Variants in SYNJ2 observed in about 807,000 individuals in gnomAD.
SYNJ2 encodes the protein synaptojanin 2.
In SYNJ2, 116 loss-of-function variants were observed where a neutral mutation model predicts 141.3. The ratio of observed to expected loss-of-function variants is 0.82; its 90% confidence interval spans 0.71 to 0.96. SYNJ2 has a LOEUF of 0.96. Among genes scored for constraint, SYNJ2 ranks in the 40% least tolerant of loss-of-function variants. SYNJ2 has a pLI of 0.00. For synonymous variants in SYNJ2, 745 were observed against 777.7 expected, an observed-to-expected ratio of 0.96 and a Z score of 0.70; for missense variants, 1,873 against 1,934.8, an observed-to-expected ratio of 0.97 and a Z score of 0.60.
chr6:157,982,220 C>T lies in SYNJ2; in HGVS notation c.127+132C>T. ...GGACTGCCGGGGCGTAGGGGTCGCG[C>T]GCAGAGGGGTGGCTGTTTGAATGAA... On this transcript the variant is annotated intron_variant, in intron 1 of 26. Transcript: ENST00000355585. This position sits in a 1 kb window ranked among gnomAD's most constrained non-coding sequence, Gnocchi z 4.0. The T allele has an allele frequency of 8.6e-7, 1 of 1,158,254 alleles. No homozygotes were observed. The highest frequency in any genetic ancestry group is 1.1e-6 in the Non-Finnish European group (1 of 917,308). The allele number at this position is 1,158,254 out of a possible 1,614,324, so 71.7% of individuals were successfully genotyped here.
intron 1 of SYNJ2, among the ~76,000 whole-genome samples, chr6:158,014,259 T>C (rs1778369575): frequency 6.6e-6 from 1 of 152,242 alleles, no homozygotes. Flanking sequence ...GTTAGGTGTA[T>C]TGAATGCATT....
intron 3 of SYNJ2, among the ~76,000 whole-genome samples, chr6:158,030,099 TCTC>T (rs1336746570): frequency 6.6e-6 from 1 of 152,116 alleles, no homozygotes; most frequent in Non-Finnish European, 1.5e-5. Context: ...ATGTTTAAGA[TCTC>T]CTGGTGCTTT....
At position 158,070,375 on chromosome 6, in the gene SYNJ2, C is replaced by T; in HGVS notation, c.1940+702C>T. Reference sequence around the variant, plus strand: ...CTGCCAAGAGCACCACGGGTACACCCCTGCAGCACCTGGAGACTAAGACTA... The same window carrying T: ...CTGCCAAGAGCACCACGGGTACACCTCTGCAGCACCTGGAGACTAAGACTA... On this transcript the variant is annotated intron_variant, in intron 14 of 26. Transcript: ENST00000355585. This position sits in a 1 kb window ranked among gnomAD's most constrained non-coding sequence, Gnocchi z 4.0. 1.0e-6 allele frequency: 1 copy of T among 985,496 alleles called. No homozygotes were observed. Among genetic ancestry groups the T allele is most frequent in the Non-Finnish European group, 1.2e-6 (1 of 830,006 alleles). The allele number at this position is 985,496 out of a possible 1,614,324, so 61.0% of individuals were successfully genotyped here. A position where few individuals can be genotyped will look rare whatever the true frequency, so the allele number is the denominator to read the frequency against.
rs1191854215 is a variant in SYNJ2 at position 158,071,633 on chromosome 6, A to G, written c.1972A>G (p.Met658Val). 3 of 1,613,916 alleles carry G rather than the reference A, an allele frequency of 1.9e-6. No individual in the cohort carries two copies. The highest frequency in any genetic ancestry group is 1.7e-5 in the Admixed American group (1 of 59,998). ...AGCCATCGACACAGTGAAGACGGGC[A>G]TGGGGGGCAAGGCGGGGAACAAGGG... ...DVAIDTVKTG[M>V]GGKAGNKGAV... The change falls in exon 15 of 27, where the codon ATG becomes GTG. Residue 658 changes from methionine (M) to valine (V), a missense_variant. By Grantham distance (21) the Met-to-Val change is conservative. Coordinates refer to ENST00000355585, the MANE Select transcript of SYNJ2 (RefSeq NM_003898.4). This position sits in a 1 kb window ranked among gnomAD's most constrained non-coding sequence, Gnocchi z 4.3.
intron 26 of SYNJ2, among the ~76,000 whole-genome samples, chr6:158,094,824 G>A (rs1235804397): frequency 1.3e-5 from 2 of 152,190 alleles, no homozygotes; most frequent in Non-Finnish European, 2.9e-5. Context: ...CAGTGTCAAG[G>A]TTTCCATTCT....
Position 158,075,962 on chromosome 6 carries a change from G to T in SYNJ2, c.2293-664G>T, listed in dbSNP as rs577898638. 8.1e-5 allele frequency among the ~76,000 whole-genome samples: 9 copies of T among 110,664 alleles called. No individual in the cohort carries two copies. The South Asian group carries it at 2.5e-3, about 31-fold the overall frequency. The allele number at this position is 110,664 out of a possible 152,430, so 72.6% of individuals were successfully genotyped here. ...GCATGGGGGCTCACGACTGTAAGGC[G>T]GGAGGATTGCCTAAGCCCAGGAGTT... On this transcript the variant is annotated intron_variant, in intron 16 of 26. Transcript: ENST00000355585.
rs1782683036 is a variant in SYNJ2, at chr6:158,081,555, C to T, written c.2865+45C>T. 4 of 1,504,930 alleles carry T rather than the reference C, an allele frequency of 2.7e-6. No homozygotes were observed. In the East Asian group the frequency reaches 7.1e-5, roughly 27 times the overall value. 93.2% of individuals were successfully genotyped at this position (1,504,930 alleles called of 1,614,324 possible). ...ACTGTGGAGTGGGGTCTGATCAATC[C>T]CTCTTTTTATGTGGGCATGTCTTCT... is the stretch of plus-strand genomic sequence containing the variant. On this transcript the variant is annotated intron_variant, in intron 20 of 26. Transcript: ENST00000355585.
At chr6:158,019,639 G>A (rs1307603935) in intron 2 of SYNJ2, among the ~76,000 whole-genome samples, 1 of 152,222 alleles carries the variant, frequency 6.6e-6, no homozygotes, top group Non-Finnish European at 1.5e-5. Context: ...CCCCACAGAA[G>A]GGAATGAGGC....
Position 158,022,054 on chromosome 6 carries a change from G to A in SYNJ2, c.214+4764G>A, listed in dbSNP as rs1051192100. Among the ~76,000 whole-genome samples, 4 of 152,210 alleles carry A rather than the reference G, an allele frequency of 2.6e-5. No homozygotes were observed. The South Asian group carries it at 6.2e-4, about 24-fold the overall frequency. ...CCCTCATGTTCTGCAGAAGGGAGGC[G>A]GGAGAAGGCCCTGAGACCATGCCGC... On this transcript the variant is annotated intron_variant, in intron 2 of 26. Coordinates refer to ENST00000355585, the MANE Select transcript of SYNJ2 (RefSeq NM_003898.4).
At position 158,086,832 on chromosome 6, in the gene SYNJ2, TCATGCCCCGC is replaced by T; in HGVS notation, c.3209-18_3209-9del. The T allele has an allele frequency of 6.2e-7, 1 of 1,610,154 alleles. No homozygotes were observed. Among genetic ancestry groups the T allele is most frequent in the Non-Finnish European group, 8.5e-7 (1 of 1,179,806 alleles). ...TCACGTGTGGAACAGACCATTGTAC[TCATGCCCCGC>T]CATGTCCTCCAGATGACGCGGACCT... On this transcript the variant is annotated splice_polypyrimidine_tract_variant and intron_variant, in intron 22 of 26. Coordinates refer to ENST00000355585, the MANE Select transcript of SYNJ2 (RefSeq NM_003898.4).
At chr6:158,024,886 A>C (rs1043607757) in intron 2 of SYNJ2, among the ~76,000 whole-genome samples, 1 of 150,124 alleles carries the variant, frequency 6.7e-6, no homozygotes, top group African/African-American at 2.5e-5. Context: ...TACTGACAAG[A>C]GGCTCCCAGA....
chr6:158,024,414 G>A (rs569432058), intron 2 of SYNJ2, among the ~76,000 whole-genome samples: 1 of 152,276 alleles, frequency 6.6e-6, no homozygotes. Flanking sequence ...TAGCCTGGGC[G>A]ACAGAGCAAG....
In SYNJ2 at chr6:158,043,384, A is replaced by G. The variant is rs61739884; in HGVS notation, c.780A>G (p.Glu260=). ...GAGGCTCCGTTCCGCTGTTCTGGGAACAGCCAGGGCTTCAGGTAGGTCATG... is the reference window on the plus strand; with the variant it reads ...GAGGCTCCGTTCCGCTGTTCTGGGAGCAGCCAGGGCTTCAGGTAGGTCATG... ...QIRGSVPLFW[E]QPGLQVGSHH... Residue 260 remains glutamate (E), a synonymous_variant, in exon 5 of 27, where the codon GAA becomes GAG. Coordinates refer to ENST00000355585, the MANE Select transcript of SYNJ2 (RefSeq NM_003898.4). This position sits in a 1 kb window ranked among gnomAD's most constrained non-coding sequence, Gnocchi z 4.0. 5,017 of 1,613,962 alleles carry G rather than the reference A, an allele frequency of 3.1e-3. 91 individuals are homozygous for G. The African/African-American group carries it at 0.045, about 14-fold the overall frequency.
intron 1 of SYNJ2, among the ~76,000 whole-genome samples, chr6:157,986,867 A>C (rs1296451205): frequency 2.0e-5 from 3 of 151,490 alleles, no homozygotes; most frequent in African/African-American, 7.3e-5. Context: ...TGAAAACGTG[A>C]ATCTCCTAAA....
chr6:158,049,606 C>T (rs1197877288), intron 5 of SYNJ2, among the ~76,000 whole-genome samples: 1 of 152,182 alleles, frequency 6.6e-6, no homozygotes, highest in African/African-American at 2.4e-5. Flanking sequence ...AATAATACAA[C>T]TTGTTTAGGG....
At position 158,078,024 on chromosome 6, in the gene SYNJ2, A is replaced by C. The variant is rs1782427419; in HGVS notation, c.2450-140A>C. On this transcript the variant is annotated intron_variant, in intron 17 of 26. Coordinates refer to ENST00000355585, the MANE Select transcript of SYNJ2 (RefSeq NM_003898.4). ...CCCAAAGCATCCGAAGCCTGGCTTC[A>C]AGGTGGAGGAGTAAGGAGGATGAGT... 6 of 634,438 alleles carry C rather than the reference A, an allele frequency of 9.5e-6. No individual in the cohort carries two copies. The East Asian group carries it at 1.6e-4, about 17-fold the overall frequency. The allele number at this position is 634,438 out of a possible 1,614,324, so 39.3% of individuals were successfully genotyped here.
intron 8 of SYNJ2, among the ~76,000 whole-genome samples, chr6:158,063,326 G>A (rs549688790): frequency 6.2e-4 from 94 of 152,286 alleles, no homozygotes; most frequent in Non-Finnish European, 1.2e-3. Context: ...GATCCACTGG[G>A]ATGGACACTG....
chr6:158,082,939 CT>C (rs11318454), intron 20 of SYNJ2, among the ~76,000 whole-genome samples: 82,011 of 149,860 alleles, frequency 0.55, 22,783 homozygotes, highest in African/African-American at 0.66. Flanking sequence ...GAGAGTTCAA[CT>C]TTTTTTTTTT....
rs1018902298 is a variant in SYNJ2, at chr6:158,040,884, C to T, written c.712-2432C>T. Among the ~76,000 whole-genome samples the T allele has an allele frequency of 2.6e-5, 4 of 152,164 alleles. No individual in the cohort carries two copies. The highest frequency in any genetic ancestry group is 4.8e-5 in the African/African-American group (2 of 41,438). ...GGCACGGGCCTCCGACTTTTCTTCC[C>T]GTGGCCCCACTGCTCTTCCCGGTCT... On this transcript the variant is annotated intron_variant, in intron 4 of 26. Coordinates refer to ENST00000355585, the MANE Select transcript of SYNJ2 (RefSeq NM_003898.4). The surrounding 1 kb of genome is among the most constrained non-coding windows in gnomAD (Gnocchi z 4.2).
Sources: gnomAD v4.1 joint callset for allele counts (sites outside exome capture counted in the v4.1 genomes callset) on GRCh38, gnomAD v4.1.1 for gene constraint, Gnocchi (gnomAD v3.1) non-coding constraint, MANE v1.5 for transcripts, NCBI Gene and HGNC (gene_info 2026-07-23, HGNC 2026-07-21) for gene names.